Variants in PCNA observed in about 807,000 individuals in gnomAD.
PCNA encodes proliferating cell nuclear antigen.
In PCNA, 4 loss-of-function variants were observed where a neutral mutation model predicts 27.8. The ratio of observed to expected loss-of-function variants is 0.14; its 90% CI spans 0.07 to 0.33. The LOEUF (loss-of-function observed/expected upper bound fraction) is 0.33, where lower values mean the gene tolerates loss of function less well. Ranked by LOEUF, PCNA falls within the 10% of genes least tolerant of loss-of-function variation. The pLI is 1.00. For missense variants in PCNA, 165 were observed against 327.4 expected, an observed-to-expected ratio of 0.50 and a Z score of 3.83; for synonymous variants, 121 against 119.4, an observed-to-expected ratio of 1.01 and a Z score of -0.09.
intron 3 of PCNA, among the ~76,000 whole-genome samples, chr20:5,118,305 G>C (rs1047497376): frequency 6.6e-6 from 1 of 152,178 alleles, no homozygotes; most frequent in Non-Finnish European, 1.5e-5. Context: ...GACGGAGGAG[G>C]ATCACTTGAG....
intron 1 of PCNA, 56 bp downstream of exon 1, chr20:5,119,522 C>T: frequency 6.9e-7 from 1 of 1,452,492 alleles, no homozygotes; most frequent in Non-Finnish European, 9.5e-7. Context: ...GCGCTCCCGC[C>T]AAGCACCGGA....
At position 5,118,971 on chromosome 20, in the gene PCNA, C is replaced by T. The variant is rs1177616485; in HGVS notation, c.222-105G>A. The T allele has an allele frequency of 1.9e-5, 14 of 739,294 alleles. No individual in the cohort carries two copies. The East Asian group carries it at 3.5e-4, about 18-fold the overall frequency. 45.8% of individuals were successfully genotyped at this position (739,294 alleles called of 1,614,324 possible). On this transcript the variant is annotated intron_variant, in intron 1 of 5. Coordinates refer to ENST00000379143, the MANE Select transcript of PCNA (RefSeq NM_182649.2). Reference sequence around the variant, plus strand: ...ACCACTCTCACCCATCAGGCCGTCTCAGAACTGGTGGAGGGTAAGCGGACT... The same window carrying T: ...ACCACTCTCACCCATCAGGCCGTCTTAGAACTGGTGGAGGGTAAGCGGACT...
chr20:5,126,254 CTG>C (rs1291980960), intron 1 of PCNA, among the ~76,000 whole-genome samples: 1 of 152,174 alleles, frequency 6.6e-6, no homozygotes, highest in Non-Finnish European at 1.5e-5. Context: ...AAGATCTTAA[CTG>C]TAAAATTCAA....
At position 5,115,077 on chromosome 20, in the gene PCNA, G is replaced by A. The variant is rs909807108; in HGVS notation, c.*206C>T. On this transcript the variant is annotated 3_prime_UTR_variant, in exon 6 of 6. Coordinates refer to ENST00000379143, the MANE Select transcript of PCNA (RefSeq NM_182649.2). ...TTCTAAGAGACAAAAATACTTCTAG[G>A]TTAACTAGACCAGATCTGACTTTGG... 3 of 451,546 alleles carry A rather than the reference G, an allele frequency of 6.6e-6. No individual in the cohort carries two copies. The highest frequency in any genetic ancestry group is 1.2e-5 in the Non-Finnish European group (3 of 252,742). The allele number at this position is 451,546 out of a possible 1,614,324, so 28.0% of individuals were successfully genotyped here.
Position 5,115,081 on chromosome 20 carries a change from A to C in PCNA, c.*202T>G. 2.1e-6 allele frequency: 1 copy of C among 482,734 alleles called. No homozygotes were observed. Among genetic ancestry groups the C allele is most frequent in the Non-Finnish European group, 3.7e-6 (1 of 270,940 alleles). 29.9% of individuals were successfully genotyped at this position (482,734 alleles called of 1,614,324 possible). A position where few individuals can be genotyped will look rare whatever the true frequency, so the allele number is the denominator to read the frequency against. ...AAGAGACAAAAATACTTCTAGGTTA[A>C]CTAGACCAGATCTGACTTTGGACTT... On this transcript the variant is annotated 3_prime_UTR_variant, in exon 6 of 6. Transcript: ENST00000379143.
chr20:5,123,319 G>A (rs1420189043), upstream of PCNA, among the ~76,000 whole-genome samples: 3 of 152,142 alleles, frequency 2.0e-5, no homozygotes, highest in Admixed American at 2.0e-4. Context: ...ATCTAGTAAA[G>A]GTACTATTGG....
chr20:5,115,989 C>G (rs372596740), intron 4 of PCNA, among the ~76,000 whole-genome samples: 1 of 152,092 alleles, frequency 6.6e-6, no homozygotes, highest in Non-Finnish European at 1.5e-5. Context: ...CTCTCACCCC[C>G]GAAACAAAAC....
intron 1 of PCNA, among the ~76,000 whole-genome samples, 180 bp from the exon 2 acceptor site, chr20:5,119,046 T>C (rs547274709): frequency 6.6e-6 from 1 of 152,230 alleles, no homozygotes; most frequent in Non-Finnish European, 1.5e-5. Context: ...CATCTGGCAG[T>C]ATTTATACTA....
intron 3 of PCNA, among the ~76,000 whole-genome samples, chr20:5,117,905 T>C (rs573044112): frequency 6.6e-6 from 1 of 152,328 alleles, no homozygotes; most frequent in African/African-American, 2.4e-5. Context: ...AAGAGAACAT[T>C]AGAGTATGGC....
At chr20:5,120,256 C>G (rs953111274), upstream of PCNA, among the ~76,000 whole-genome samples, 2 of 152,260 alleles carry the variant, frequency 1.3e-5, no homozygotes, top group African/African-American at 4.8e-5. Context: ...CTCAGCCTCC[C>G]ACTACGTGGG....
In PCNA at chr20:5,117,533, T is replaced by G; in HGVS notation, c.519A>C (p.Gly173=). 6.2e-7 allele frequency: 1 copy of G among 1,614,060 alleles called. No individual in the cohort carries two copies. Among genetic ancestry groups the G allele is most frequent in the African/African-American group, 1.3e-5 (1 of 75,070 alleles). The change falls in exon 4 of 6, where the codon GGA becomes GGC. Residue 173 remains glycine (G), a synonymous_variant. Transcript: ENST00000379143. ...ATTTAATGTTTCCATTTCCAAGTTC[T>G]CCACTTGCAGAAAATTTCACTCCGT... is the stretch of plus-strand genomic sequence containing the variant. ...AKDGVKFSAS[G]ELGNGNIKLS...
chr20:5,115,760 A>G (rs2090470604), intron 4 of PCNA, among the ~76,000 whole-genome samples, 188 bp from the exon 5 acceptor site: 2 of 152,242 alleles, frequency 1.3e-5, no homozygotes, highest in Non-Finnish European at 2.9e-5. Context: ...GCTATAATTT[A>G]GATAACCAAA....
chr20:5,119,182 G>A (rs1391876814), intron 1 of PCNA, among the ~76,000 whole-genome samples: 2 of 152,058 alleles, frequency 1.3e-5, no homozygotes, highest in Admixed American at 6.6e-5. Context: ...TGAGCCGGGA[G>A]GATCGCTTGA....
intron 4 of PCNA, among the ~76,000 whole-genome samples, chr20:5,116,961 T>G (rs2122897743): frequency 6.6e-6 from 1 of 152,310 alleles, no homozygotes; most frequent in South Asian, 2.1e-4. Context: ...AACCTTTGAT[T>G]CCTACAGCCT....
rs1170620338 is a variant in PCNA, at chr20:5,119,700, G to A, written c.99C>T (p.Ser33=). 2.5e-6 allele frequency: 4 copies of A among 1,607,708 alleles called. No individual in the cohort carries two copies. Among genetic ancestry groups the A allele is most frequent in the African/African-American group, 1.3e-5 (1 of 74,834 alleles). The change falls in exon 1 of 6, where the codon AGC becomes AGT. Residue 33 remains serine (S), a synonymous_variant. Coordinates refer to ENST00000379143, the MANE Select transcript of PCNA (RefSeq NM_182649.2). ...AGTCCATGCTCTGCAGGTTTACACC[G>A]CTGGAGCTAATATCCCAGCAGGCCT... ...INEACWDISS[S]GVNLQSMDSS...
Position 5,115,262 on chromosome 20 carries a change from T to G in PCNA, c.*21A>C. On this transcript the variant is annotated 3_prime_UTR_variant, in exon 6 of 6. Coordinates refer to ENST00000379143, the MANE Select transcript of PCNA (RefSeq NM_182649.2). ...CAGTTCTCAAAGAGCTTAGTTTTAT[T>G]TTCTTGAATTTTAAGAATGCCTAAG... 2 of 1,595,490 alleles carry G rather than the reference T, an allele frequency of 1.3e-6. No individual in the cohort carries two copies. Among genetic ancestry groups the G allele is most frequent in the Non-Finnish European group, 8.6e-7 (1 of 1,163,984 alleles).
At chr20:5,121,843 TCTCCAACTCCTGGG>T (rs2090520211), upstream of PCNA, among the ~76,000 whole-genome samples, 1 of 151,968 alleles carries the variant, frequency 6.6e-6, no homozygotes, top group Non-Finnish European at 1.5e-5. Context: ...CTCTGGCTGG[TCTCCAACTCCTGGG>T]CTCAAGCAAT....
At chr20:5,123,652 G>A (rs568441697), upstream of PCNA, among the ~76,000 whole-genome samples, 83 of 148,706 alleles carry the variant, frequency 5.6e-4, no homozygotes, top group East Asian at 1.2e-3. Context: ...CCAAGATTGC[G>A]CCACTGTACT....
intron 5 of PCNA, 34 bp downstream of exon 5, chr20:5,115,415 A>T: frequency 6.2e-7 from 1 of 1,613,840 alleles, no homozygotes; most frequent in Non-Finnish European, 8.5e-7. Context: ...ACATATGACT[A>T]CCTACAAAAC....
Sources: gnomAD v4.1 joint callset for allele counts (sites outside exome capture counted in the v4.1 genomes callset) on GRCh38, gnomAD v4.1.1 for gene constraint, MANE v1.5 for transcripts, NCBI Gene and HGNC (gene_info 2026-07-23, HGNC 2026-07-21) for gene names.